Variants in SLC9A9 observed in about 807,000 individuals in gnomAD.
SLC9A9 encodes the protein sodium/hydrogen exchanger 9.
In SLC9A9, 62 loss-of-function variants were observed where a neutral mutation model predicts 77.8. That is an observed-to-expected ratio of 0.80 (90% CI 0.65 to 0.98). The LOEUF (loss-of-function observed/expected upper bound fraction) is 0.98. SLC9A9 is among the 50% of genes least tolerant of loss of function. The probability of loss-of-function intolerance (pLI) is 0.00; values close to 1 mark genes in which losing one functional copy is unlikely to be tolerated. For missense variants in SLC9A9, 775 were observed against 774.9 expected, an observed-to-expected ratio of 1.00 and a Z score of 0.00; for synonymous variants, 320 against 283.5, an observed-to-expected ratio of 1.13 and a Z score of -1.29.
intron 4 of SLC9A9, among the ~76,000 whole-genome samples, chr3:143,743,941 A>G (rs1484185488): frequency 6.6e-6 from 1 of 152,202 alleles, no homozygotes; most frequent in Non-Finnish European, 1.5e-5. Flanking sequence ...ATTCAGCTTA[A>G]TAACTCCTGA....
intron 9 of SLC9A9, among the ~76,000 whole-genome samples, chr3:143,506,751 A>G (rs1231891460): frequency 6.6e-6 from 1 of 152,038 alleles, no homozygotes; most frequent in Non-Finnish European, 1.5e-5. Flanking sequence ...CCTCCAAAAG[A>G]TTTTCTCAGT....
At chr3:143,475,062 G>C (rs1252436811) in intron 11 of SLC9A9, among the ~76,000 whole-genome samples, 1 of 150,998 alleles carries the variant, frequency 6.6e-6, no homozygotes, top group Non-Finnish European at 1.5e-5. Flanking sequence ...GGGTTCAAGT[G>C]ATTCCCTTGC....
intron 5 of SLC9A9, among the ~76,000 whole-genome samples, chr3:143,671,800 C>T (rs549959599): frequency 1.3e-5 from 2 of 152,212 alleles, no homozygotes; most frequent in Non-Finnish European, 2.9e-5. Context: ...CGTCTGTGCT[C>T]TCTAGAAGCC....
chr3:143,346,457 C>T (rs1393676038), intron 14 of SLC9A9, among the ~76,000 whole-genome samples: 4 of 152,032 alleles, frequency 2.6e-5, no homozygotes, highest in Non-Finnish European at 4.4e-5. Flanking sequence ...CTGTAGTATG[C>T]GTATTTTCTG....
intron 6 of SLC9A9, among the ~76,000 whole-genome samples, chr3:143,622,674 A>G (rs1317864893): frequency 6.6e-6 from 1 of 152,234 alleles, no homozygotes; most frequent in African/African-American, 2.4e-5. Flanking sequence ...CCAAATTGTA[A>G]AGACCATCGA....
intron 14 of SLC9A9, among the ~76,000 whole-genome samples, chr3:143,317,803 C>T (rs1414015780): frequency 6.6e-6 from 1 of 152,214 alleles, no homozygotes; most frequent in Non-Finnish European, 1.5e-5. Context: ...TCTTGGCTCA[C>T]TGCAAGCTCT....
chr3:143,567,375 T>C (rs910979749), intron 8 of SLC9A9, among the ~76,000 whole-genome samples: 1 of 152,168 alleles, frequency 6.6e-6, no homozygotes, highest in Non-Finnish European at 1.5e-5. Flanking sequence ...CTCTTCTTTC[T>C]ATGCTCTCTG....
intron 4 of SLC9A9, among the ~76,000 whole-genome samples, chr3:143,738,236 T>G (rs1428700339): frequency 6.6e-6 from 1 of 152,182 alleles, no homozygotes; most frequent in African/African-American, 2.4e-5. Flanking sequence ...TACAATGGCC[T>G]CTGAATTCCC....
At position 143,488,193 on chromosome 3, in the gene SLC9A9, T is replaced by C. The variant is rs145929676; in HGVS notation, c.1315+5460A>G. Among the ~76,000 whole-genome samples, 307 of 152,036 alleles carry C rather than the reference T, an allele frequency of 2.0e-3. 1 individual carries two copies. Among genetic ancestry groups the C allele is most frequent in the South Asian group, 3.7e-3 (18 of 4,820 alleles). Reference sequence around the variant, plus strand: ...CCTAGAAATACAAAGCTTACCAAGATTAAAGCATGAAGAAATGAAAAATCT... The same window carrying C: ...CCTAGAAATACAAAGCTTACCAAGACTAAAGCATGAAGAAATGAAAAATCT... On this transcript the variant is annotated intron_variant, in intron 11 of 15. Transcript: ENST00000316549.
intron 13 of SLC9A9, among the ~76,000 whole-genome samples, chr3:143,366,180 T>C (rs1342669993): frequency 6.6e-6 from 1 of 152,232 alleles, no homozygotes. Context: ...AGCTGAATGA[T>C]GTTCCCAATA....
chr3:143,796,969 CA>C, intron 2 of SLC9A9, 66 bp from the exon 3 acceptor site: 1 of 1,297,026 alleles, frequency 7.7e-7, no homozygotes, highest in South Asian at 1.2e-5. Flanking sequence ...AAACATGTTT[CA>C]AAAAACAGTT....
intron 4 of SLC9A9, among the ~76,000 whole-genome samples, chr3:143,785,441 T>C (rs757978574): frequency 5.9e-5 from 9 of 152,048 alleles, no homozygotes; most frequent in Non-Finnish European, 1.2e-4. Context: ...GACAGGTGAG[T>C]GGGCCCATCT....
intron 4 of SLC9A9, among the ~76,000 whole-genome samples, chr3:143,743,633 A>T (rs1465738634): frequency 6.6e-6 from 1 of 152,158 alleles, no homozygotes; most frequent in Non-Finnish European, 1.5e-5. Context: ...GTGCCTGCCC[A>T]CAGTGAGAGT....
At chr3:143,564,726 A>G (rs540248277) in intron 8 of SLC9A9, among the ~76,000 whole-genome samples, 33 of 152,316 alleles carry the variant, frequency 2.2e-4, no homozygotes, top group Middle Eastern at 3.4e-3. Context: ...TCTGTGGAAT[A>G]TAAGAACATC....
chr3:143,624,916 T>C (rs894468789), intron 6 of SLC9A9, among the ~76,000 whole-genome samples: 3 of 152,148 alleles, frequency 2.0e-5, no homozygotes, highest in African/African-American at 7.2e-5. Flanking sequence ...TTCAGCAAAG[T>C]CTCAGGATAC....
At chr3:143,608,026 G>T (rs766814409) in intron 6 of SLC9A9, among the ~76,000 whole-genome samples, 1 of 151,924 alleles carries the variant, frequency 6.6e-6, no homozygotes, top group Non-Finnish European at 1.5e-5. Flanking sequence ...TAGAAAATGC[G>T]CAAATAAAGT....
intron 14 of SLC9A9, among the ~76,000 whole-genome samples, chr3:143,362,130 C>T (rs2108483149): frequency 6.6e-6 from 1 of 152,198 alleles, no homozygotes; most frequent in East Asian, 1.9e-4. Flanking sequence ...CTTAGAGAGA[C>T]CAGAAAGTCT....
At chr3:143,267,048 T>A (rs12493372) in intron 15 of SLC9A9, 119 bp from the exon 16 acceptor site, 192,844 of 907,182 alleles carry the variant, frequency 0.21, 24,583 homozygotes, top group East Asian at 0.5. Context: ...AACTGCCCTG[T>A]CTGGCCTTGG....
chr3:143,631,515 G>A (rs974319902), intron 6 of SLC9A9, among the ~76,000 whole-genome samples: 1 of 152,158 alleles, frequency 6.6e-6, no homozygotes, highest in Non-Finnish European at 1.5e-5. Flanking sequence ...CAGGCAATGT[G>A]AGTGAGGAAA....
Sources: gnomAD v4.1 joint callset for allele counts (sites outside exome capture counted in the v4.1 genomes callset) on GRCh38, gnomAD v4.1.1 for gene constraint, MANE v1.5 for transcripts, NCBI Gene and HGNC (gene_info 2026-07-23, HGNC 2026-07-21) for gene names.